Variants in LINGO2 observed in about 807,000 individuals in gnomAD.
LINGO2 encodes leucine rich repeat and Ig domain containing 2.
A neutral mutation model predicts 30.6 loss-of-function variants in LINGO2; 14 were observed. The ratio of observed to expected loss-of-function variants is 0.46; its 90% CI spans 0.30 to 0.72. The LOEUF (loss-of-function observed/expected upper bound fraction) is 0.72. Ranked by LOEUF, LINGO2 falls within the 30% of genes least tolerant of loss-of-function variation. The pLI, the probability that LINGO2 is intolerant of heterozygous loss-of-function variation, is 0.07. For missense variants in LINGO2, 729 were observed against 751.7 expected, an observed-to-expected ratio of 0.97 and a Z score of 0.35; for synonymous variants, 317 against 288.5, an observed-to-expected ratio of 1.10 and a Z score of -1.00.
the LINGO2 span, among the ~76,000 whole-genome samples, chr9:28,815,504 A>G: frequency 6.6e-6 from 1 of 152,024 alleles, no homozygotes; most frequent in African/African-American, 2.4e-5. Context: ...ATTAACTCAA[A>G]AAGCTGATTT....
At chr9:28,762,548 T>C in the LINGO2 span, among the ~76,000 whole-genome samples, 1 of 152,036 alleles carries the variant, frequency 6.6e-6, no homozygotes, top group Non-Finnish European at 1.5e-5. Flanking sequence ...CAAGTAACAA[T>C]GTTTAATTAA....
intron 3 of LINGO2, among the ~76,000 whole-genome samples, chr9:28,315,385 G>A (rs1253980304): frequency 6.7e-6 from 1 of 149,410 alleles, no homozygotes; most frequent in Admixed American, 6.7e-5. Context: ...CTGGGCGACA[G>A]AGGGAGACTC....
chr9:27,969,971 A>G (rs1820277211), intron 5 of LINGO2, among the ~76,000 whole-genome samples: 1 of 152,212 alleles, frequency 6.6e-6, no homozygotes, highest in Non-Finnish European at 1.5e-5. Flanking sequence ...AAATGAAACA[A>G]GCAGCATTTA....
At chr9:28,164,960 A>G (rs1048526945) in intron 4 of LINGO2, among the ~76,000 whole-genome samples, 2 of 152,206 alleles carry the variant, frequency 1.3e-5, no homozygotes, top group Admixed American at 1.3e-4. Flanking sequence ...TTTCCACTTG[A>G]GCATGACTAC....
rs554279165 is a variant in LINGO2 at position 28,329,957 on chromosome 9, T to C, written c.-245-34591A>G. On this transcript the variant is annotated intron_variant, in intron 3 of 5. Transcript: ENST00000379992. This position sits in a 1 kb window ranked among gnomAD's most constrained non-coding sequence, Gnocchi z 4.5. ...GTATTTATTTCAACACTTTATTTTT[T>C]GAGCTTGCTATTTACTGAATTCTGC... 5.9e-5 allele frequency among the ~76,000 whole-genome samples: 9 copies of C among 152,314 alleles called. No homozygotes were observed. Among genetic ancestry groups the C allele is most frequent in the Admixed American group, 3.3e-4 (5 of 15,294 alleles).
At chr9:28,734,651 A>T in the LINGO2 span, among the ~76,000 whole-genome samples, 1 of 152,206 alleles carries the variant, frequency 6.6e-6, no homozygotes, top group African/African-American at 2.4e-5. Flanking sequence ...GTTTTGGAAT[A>T]CAATTTACAA....
At chr9:28,721,343 T>C in the LINGO2 span, among the ~76,000 whole-genome samples, 1 of 152,134 alleles carries the variant, frequency 6.6e-6, no homozygotes, top group Non-Finnish European at 1.5e-5. Flanking sequence ...TGTACTGTTA[T>C]AAAGACACAT....
intron 4 of LINGO2, among the ~76,000 whole-genome samples, chr9:28,097,052 G>T (rs1231099266): frequency 6.7e-6 from 1 of 149,700 alleles, no homozygotes; most frequent in Non-Finnish European, 1.5e-5. Context: ...AAAAAAAGAA[G>T]ACATTTATGC....
chr9:28,563,173 T>C (rs1273771409), intron 1 of LINGO2, among the ~76,000 whole-genome samples: 1 of 152,112 alleles, frequency 6.6e-6, no homozygotes, highest in East Asian at 1.9e-4. Context: ...TTTCATTTTA[T>C]AGATGAGGGA....
chr9:28,051,950 A>G (rs551863691), intron 4 of LINGO2, among the ~76,000 whole-genome samples: 93 of 152,162 alleles, frequency 6.1e-4, no homozygotes, highest in Non-Finnish European at 9.1e-4. Flanking sequence ...CAAAATCATA[A>G]TTGCCCTGGG....
At chr9:28,596,327 G>A (rs554133536) in intron 1 of LINGO2, among the ~76,000 whole-genome samples, 6 of 152,200 alleles carry the variant, frequency 3.9e-5, no homozygotes, top group East Asian at 3.9e-4. Context: ...CAATAAAACT[G>A]ACTAAACATA....
intron 1 of LINGO2, among the ~76,000 whole-genome samples, chr9:28,496,648 G>C (rs1819641217): frequency 6.6e-6 from 1 of 152,056 alleles, no homozygotes; most frequent in South Asian, 2.1e-4. Flanking sequence ...AGAGCATTTA[G>C]TCCATTTACA....
At chr9:28,716,501 C>G in the LINGO2 span, among the ~76,000 whole-genome samples, 10 of 151,974 alleles carry the variant, frequency 6.6e-5, no homozygotes, top group Non-Finnish European at 1.5e-4. Context: ...GCCCTAAGAC[C>G]TGCGTTAAAA....
chr9:28,219,132 A>T (rs1221367304), intron 4 of LINGO2, among the ~76,000 whole-genome samples: 1 of 152,182 alleles, frequency 6.6e-6, no homozygotes, highest in African/African-American at 2.4e-5. Context: ...ATCATTCCTT[A>T]GTGGCCCTAT....
chr9:28,780,346 ATT>A, the LINGO2 span, among the ~76,000 whole-genome samples: 8 of 151,390 alleles, frequency 5.3e-5, no homozygotes, highest in East Asian at 1.6e-3. Flanking sequence ...TGTGAGTAAA[ATT>A]TTTTTTTTCT....
chr9:27,945,538 A>G (rs1823332600), downstream of LINGO2, among the ~76,000 whole-genome samples: 1 of 152,158 alleles, frequency 6.6e-6, no homozygotes, highest in Non-Finnish European at 1.5e-5. Flanking sequence ...CTGGAGTGAA[A>G]TGCTGAGTCA....
At chr9:28,089,971 G>C (rs574332717) in intron 4 of LINGO2, among the ~76,000 whole-genome samples, 7 of 152,236 alleles carry the variant, frequency 4.6e-5, no homozygotes, top group African/African-American at 1.7e-4. Flanking sequence ...TACAAGAAAT[G>C]GATAAATTCC....
intron 1 of LINGO2, among the ~76,000 whole-genome samples, chr9:28,608,593 C>T (rs1013513636): frequency 1.3e-5 from 2 of 151,722 alleles, no homozygotes; most frequent in South Asian, 2.1e-4. Context: ...TGTTTTTGGT[C>T]CGCGCAAATT....
chr9:29,171,781 C>A, the LINGO2 span, among the ~76,000 whole-genome samples: 7,482 of 150,684 alleles, frequency 0.05, 245 homozygotes, highest in Middle Eastern at 0.073. Context: ...ATGATATATC[C>A]CAACATTATA....
Sources: allele counts gnomAD v4.1 joint callset (sites outside exome capture counted in the v4.1 genomes callset), GRCh38; gene constraint gnomAD v4.1.1; non-coding constraint Gnocchi (gnomAD v3.1); transcripts MANE v1.5; gene names NCBI Gene and HGNC (gene_info 2026-07-23, HGNC 2026-07-21).